The following CADM2 variants were observed in gnomAD, a reference collection of about 807,000 sequenced individuals.
The protein encoded by CADM2 is cell adhesion molecule 2.
A neutral mutation model predicts 49.8 loss-of-function variants in CADM2; 12 were observed. That is an observed-to-expected ratio of 0.24 (90% CI 0.15 to 0.39). The LOEUF (loss-of-function observed/expected upper bound fraction) is 0.39, where lower values mean the gene tolerates loss of function less well. Ranked by LOEUF, CADM2 falls within the 10% of genes least tolerant of loss-of-function variation. The pLI is 1.00. For missense variants in CADM2, 378 were observed against 492.3 expected, an observed-to-expected ratio of 0.77 and a Z score of 2.20; for synonymous variants, 214 against 175.4, an observed-to-expected ratio of 1.22 and a Z score of -1.74.
At chr3:85,890,163 G>A (rs1714232397) in intron 5 of CADM2, among the ~76,000 whole-genome samples, 1 of 152,008 alleles carries the variant, frequency 6.6e-6, no homozygotes, top group Admixed American at 6.6e-5. Context: ...ATATTGAAAG[G>A]GGAAAGAGCA....
At chr3:85,352,484 C>A (rs2031447389) in intron 1 of CADM2, among the ~76,000 whole-genome samples, 1 of 152,002 alleles carries the variant, frequency 6.6e-6, no homozygotes, top group South Asian at 2.1e-4. Context: ...AGGGATAAAG[C>A]TGATTTTGAT....
chr3:85,011,091 C>T (rs2033971753), intron 1 of CADM2, among the ~76,000 whole-genome samples: 1 of 151,800 alleles, frequency 6.6e-6, no homozygotes, highest in Admixed American at 6.6e-5. Context: ...GTCTGGATCT[C>T]CTGACCTCGT....
chr3:85,477,861 T>C (rs1019897580), intron 1 of CADM2, among the ~76,000 whole-genome samples: 1 of 151,920 alleles, frequency 6.6e-6, no homozygotes, highest in African/African-American at 2.4e-5. Flanking sequence ...AACTAGTGTG[T>C]AAATAACACC....
At chr3:85,220,201 G>C (rs780648135) in intron 1 of CADM2, among the ~76,000 whole-genome samples, 1 of 151,970 alleles carries the variant, frequency 6.6e-6, no homozygotes, top group African/African-American at 2.4e-5. Context: ...TTAAGATGCT[G>C]CCTATGAGCC....
At chr3:85,782,731 T>G (rs2107999312) in intron 2 of CADM2, among the ~76,000 whole-genome samples, 1 of 152,070 alleles carries the variant, frequency 6.6e-6, no homozygotes, top group East Asian at 1.9e-4. Context: ...CTCCTTAAAT[T>G]AATGTATTGC....
At chr3:85,501,802 G>C (rs2040129051) in intron 1 of CADM2, among the ~76,000 whole-genome samples, 1 of 152,062 alleles carries the variant, frequency 6.6e-6, no homozygotes, top group South Asian at 2.1e-4. Context: ...ATGCTCTTGG[G>C]TTTGATAATC....
chr3:85,450,664 G>C (rs2037711505), intron 1 of CADM2, among the ~76,000 whole-genome samples: 1 of 151,622 alleles, frequency 6.6e-6, no homozygotes, highest in African/African-American at 2.4e-5. Context: ...TTTCAGAAAA[G>C]TATTAGAGAA....
intron 8 of CADM2, among the ~76,000 whole-genome samples, chr3:86,002,556 A>G (rs573493199): frequency 6.6e-6 from 1 of 152,246 alleles, no homozygotes; most frequent in African/African-American, 2.4e-5. Flanking sequence ...TGTAATTTTT[A>G]GTTTCTCTTC....
At chr3:85,054,000 C>A (rs925473953) in intron 1 of CADM2, among the ~76,000 whole-genome samples, 2 of 151,844 alleles carry the variant, frequency 1.3e-5, no homozygotes, top group Non-Finnish European at 1.5e-5. Context: ...AAAGTAATTT[C>A]AAAATGCTTT....
chr3:85,660,130 G>C (rs1190997706), intron 1 of CADM2, among the ~76,000 whole-genome samples: 5 of 151,998 alleles, frequency 3.3e-5, no homozygotes, highest in African/African-American at 9.7e-5. Context: ...AATGTTTCTA[G>C]GGCAGGCTCT....
chr3:85,674,638 C>A (rs987652828), intron 1 of CADM2, among the ~76,000 whole-genome samples: 4 of 152,098 alleles, frequency 2.6e-5, no homozygotes, highest in African/African-American at 4.8e-5. Flanking sequence ...TAATTCATTT[C>A]TCATACTCTA....
At chr3:85,430,733 CAG>C (rs1268075581) in intron 1 of CADM2, among the ~76,000 whole-genome samples, 1 of 151,816 alleles carries the variant, frequency 6.6e-6, no homozygotes, top group African/African-American at 2.4e-5. Context: ...TAGAAGAAGA[CAG>C]ATAAATAACA....
chr3:86,055,440 G>A (rs1476789014), intron 8 of CADM2, among the ~76,000 whole-genome samples: 2 of 148,198 alleles, frequency 1.3e-5, no homozygotes, highest in Non-Finnish European at 3.0e-5. Context: ...ATGCAACTCT[G>A]GGCATCCCCT....
chr3:85,581,445 A>G (rs1387911792), intron 1 of CADM2, among the ~76,000 whole-genome samples: 3 of 152,032 alleles, frequency 2.0e-5, no homozygotes, highest in Non-Finnish European at 4.4e-5. Context: ...GAAAAAAAAA[A>G]AAAGGACTTT....
At chr3:85,876,972 T>C (rs1711948294) in intron 3 of CADM2, among the ~76,000 whole-genome samples, 1 of 152,170 alleles carries the variant, frequency 6.6e-6, no homozygotes, top group Admixed American at 6.5e-5. Flanking sequence ...TGTTGAACCA[T>C]TTAAAACCAA....
chr3:85,849,148 T>C (rs2074997492), intron 3 of CADM2, among the ~76,000 whole-genome samples: 1 of 152,190 alleles, frequency 6.6e-6, no homozygotes, highest in Non-Finnish European at 1.5e-5. Context: ...GCAAGCCACC[T>C]CTGTCACAGT....
intron 1 of CADM2, among the ~76,000 whole-genome samples, chr3:85,492,143 A>G (rs1167355911): frequency 1.3e-5 from 2 of 152,162 alleles, no homozygotes; most frequent in Non-Finnish European, 2.9e-5. Flanking sequence ...AGAAAAGACT[A>G]TGTGCTCCAA....
At chr3:85,666,508 CA>C (rs916428095) in intron 1 of CADM2, among the ~76,000 whole-genome samples, 29 of 151,688 alleles carry the variant, frequency 1.9e-4, no homozygotes, top group African/African-American at 5.6e-4. Context: ...AGAAAACACA[CA>C]AAAAAATATT....
At chr3:85,799,271 T>G (rs1350026826) in intron 2 of CADM2, among the ~76,000 whole-genome samples, 1 of 152,210 alleles carries the variant, frequency 6.6e-6, no homozygotes, top group African/African-American at 2.4e-5. Flanking sequence ...TTTCTTTCTC[T>G]CGCCTGATTG....
Sources: gnomAD v4.1 joint callset for allele counts (sites outside exome capture counted in the v4.1 genomes callset) on GRCh38, gnomAD v4.1.1 for gene constraint, MANE v1.5 for transcripts, NCBI Gene and HGNC (gene_info 2026-07-23, HGNC 2026-07-21) for gene names.